SORCS2: variants seen among roughly 807,000 people sequenced by gnomAD.
The protein encoded by SORCS2 is sortilin related VPS10 domain containing receptor 2.
SORCS2 carries 100 observed loss-of-function variants against 141.6 expected under a neutral mutation model. The observed-to-expected ratio is 0.71, with a 90% CI of 0.60 to 0.83. The LOEUF (loss-of-function observed/expected upper bound fraction) is 0.83, where lower values mean the gene tolerates loss of function less well. SORCS2 is among the 40% of genes least tolerant of loss of function. The pLI is 0.00. For missense variants in SORCS2, 1,646 were observed against 1,560.2 expected, an observed-to-expected ratio of 1.05 and a Z score of -0.93; for synonymous variants, 789 against 676.9, an observed-to-expected ratio of 1.17 and a Z score of -2.57.
At chr4:7,532,169 A>G (rs1711715096) in intron 3 of SORCS2, among the ~76,000 whole-genome samples, 1 of 152,204 alleles carries the variant, frequency 6.6e-6, no homozygotes, top group Non-Finnish European at 1.5e-5. Flanking sequence ...TTCCGTGAGA[A>G]GAGCCCTCCT....
At chr4:7,424,225 C>T (rs1025269022) in intron 2 of SORCS2, among the ~76,000 whole-genome samples, 1 of 152,202 alleles carries the variant, frequency 6.6e-6, no homozygotes, top group African/African-American at 2.4e-5. Context: ...TGACTCTGGG[C>T]AAGCTCTAAG....
At chr4:7,543,264 C>T (rs1008155785) in intron 3 of SORCS2, among the ~76,000 whole-genome samples, 3 of 152,188 alleles carry the variant, frequency 2.0e-5, no homozygotes, top group Non-Finnish European at 4.4e-5. Context: ...CAGGGAGGGT[C>T]ACCCATCCAT....
intron 2 of SORCS2, among the ~76,000 whole-genome samples, chr4:7,494,793 A>G (rs1292001093): frequency 6.6e-6 from 1 of 151,262 alleles, no homozygotes; most frequent in Non-Finnish European, 1.5e-5. Flanking sequence ...GGTTGGCGGT[A>G]AGGGGTGTCA....
chr4:7,231,211 G>A (rs926107660), intron 1 of SORCS2, among the ~76,000 whole-genome samples: 1 of 152,220 alleles, frequency 6.6e-6, no homozygotes, highest in African/African-American at 2.4e-5. Flanking sequence ...TGATGCTCCA[G>A]GTTGAAGGCT....
At chr4:7,195,391 C>T (rs1029667169) in intron 1 of SORCS2, among the ~76,000 whole-genome samples, 2 of 152,136 alleles carry the variant, frequency 1.3e-5, no homozygotes, top group Non-Finnish European at 2.9e-5. Context: ...AGCCAGGACA[C>T]CCTCATTGTG....
rs117519023 is a variant in SORCS2, at chr4:7,490,982, G to A, written c.549-40548G>A. Among the ~76,000 whole-genome samples, 69 of 152,236 alleles carry A rather than the reference G, an allele frequency of 4.5e-4. No individual in the cohort carries two copies. In the East Asian group the frequency reaches 9.5e-3, roughly 21 times the overall value. The stretch of plus-strand genomic sequence containing the variant: ...TCTTTGTTCTTACCAGCTGCCCAGC[G>A]GCTGGTCTCGCCCCTCCTCTCTGTC... On this transcript the variant is annotated intron_variant, in intron 2 of 26. Transcript: ENST00000507866.
At chr4:7,226,564 A>G (rs1453122598) in intron 1 of SORCS2, among the ~76,000 whole-genome samples, 2 of 152,058 alleles carry the variant, frequency 1.3e-5, no homozygotes, top group Non-Finnish European at 2.9e-5. Context: ...TGTTTTTTCC[A>G]GGCACACTAA....
intron 1 of SORCS2, among the ~76,000 whole-genome samples, chr4:7,291,762 C>T (rs1000174302): frequency 1.6e-4 from 25 of 152,164 alleles, no homozygotes; most frequent in African/African-American, 6.0e-4. Context: ...CTCCCTGCTC[C>T]CTTGTGATTC....
rs139798930 is a variant in SORCS2 at position 7,231,537 on chromosome 4, T to C, written c.480+38411T>C. On this transcript the variant is annotated intron_variant, in intron 1 of 26. Coordinates refer to ENST00000507866, the MANE Select transcript of SORCS2 (RefSeq NM_020777.3). The stretch of plus-strand genomic sequence containing the variant: ...TCTGTCCATCCATCCATCCATCCAT[T>C]CATCCATCCATCCATCCATCCACTC... Among the ~76,000 whole-genome samples, 646 of 149,002 alleles carry C rather than the reference T, an allele frequency of 4.3e-3. 5 individuals are homozygous for C. Among genetic ancestry groups the C allele is most frequent in the African/African-American group, 0.016 (605 of 38,494 alleles).
In SORCS2 at chr4:7,712,790, G is replaced by T. The variant is rs757484652; in HGVS notation, c.1926G>T (p.Arg642=). The T allele has an allele frequency of 1.5e-5, 25 of 1,613,730 alleles. No homozygotes were observed. The highest frequency in any genetic ancestry group is 2.0e-5 in the Non-Finnish European group (24 of 1,179,794). ...SDWELVKVDF[R]PSFSRQCGEE... Reference sequence around the variant, plus strand: ...GGGAGCTGGTCAAGGTGGACTTCCGGCCCTCATTCTCCAGGCAGTGCGGCG... The same window carrying T: ...GGGAGCTGGTCAAGGTGGACTTCCGTCCCTCATTCTCCAGGCAGTGCGGCG... Residue 642 remains arginine, a synonymous_variant, in exon 15 of 27, where the codon CGG becomes CGT. Coordinates refer to ENST00000507866, the MANE Select transcript of SORCS2 (RefSeq NM_020777.3).
chr4:7,307,358 G>T (rs1717900170), intron 1 of SORCS2, among the ~76,000 whole-genome samples: 1 of 152,264 alleles, frequency 6.6e-6, no homozygotes, highest in Non-Finnish European at 1.5e-5. Context: ...CAGAAAAGAA[G>T]AAAAGCAGCC....
chr4:7,334,441 C>T (rs990308294), intron 1 of SORCS2, among the ~76,000 whole-genome samples: 4 of 152,140 alleles, frequency 2.6e-5, no homozygotes, highest in African/African-American at 4.8e-5. Context: ...CCATTCCTCC[C>T]GTTCCTTGTT....
chr4:7,513,760 A>T (rs568726840), intron 2 of SORCS2, among the ~76,000 whole-genome samples: 37 of 152,248 alleles, frequency 2.4e-4, no homozygotes, highest in African/African-American at 7.9e-4. Context: ...GGAACGACTT[A>T]ACTCGTAATT....
intron 8 of SORCS2, among the ~76,000 whole-genome samples, chr4:7,669,732 A>T (rs767857157): frequency 2.0e-5 from 3 of 152,064 alleles, no homozygotes; most frequent in Non-Finnish European, 2.9e-5. Flanking sequence ...TCATCCACCC[A>T]ATGTCTTCTC....
chr4:7,677,002 CTG>C (rs926800698), intron 9 of SORCS2, among the ~76,000 whole-genome samples: 1 of 143,886 alleles, frequency 6.9e-6, no homozygotes, highest in Non-Finnish European at 1.5e-5. Flanking sequence ...CTCTCCCTCT[CTG>C]TGTGTGAAGT....
At chr4:7,347,847 G>T (rs1720725864) in intron 1 of SORCS2, among the ~76,000 whole-genome samples, 1 of 152,196 alleles carries the variant, frequency 6.6e-6, no homozygotes, top group African/African-American at 2.4e-5. Flanking sequence ...CATTACAACT[G>T]TCAGGCCCGA....
At chr4:7,734,183 G>T in intron 24 of SORCS2, 89 bp from the exon 25 acceptor site, 1 of 912,354 alleles carries the variant, frequency 1.1e-6, no homozygotes. Flanking sequence ...ACAGGCTGGG[G>T]ACGGGTGGGG....
At chr4:7,267,058 G>A (rs1278185609) in intron 1 of SORCS2, among the ~76,000 whole-genome samples, 1 of 152,094 alleles carries the variant, frequency 6.6e-6, no homozygotes, top group Non-Finnish European at 1.5e-5. Flanking sequence ...AGCCTGGATC[G>A]CTGCAGCCCC....
intron 1 of SORCS2, among the ~76,000 whole-genome samples, chr4:7,222,344 A>T (rs1312317460): frequency 6.6e-6 from 1 of 152,166 alleles, no homozygotes; most frequent in Admixed American, 6.5e-5. Context: ...TACGTGATGA[A>T]CCTTGAAAAC....
Sources: allele counts gnomAD v4.1 joint callset (sites outside exome capture counted in the v4.1 genomes callset), GRCh38; gene constraint gnomAD v4.1.1; transcripts MANE v1.5; gene names NCBI Gene and HGNC (gene_info 2026-07-23, HGNC 2026-07-21).